C8orf34: variants seen among roughly 807,000 people sequenced by gnomAD.
The protein encoded by C8orf34 is chromosome 8 open reading frame 34, also known as uncharacterized protein C8orf34.
Under a neutral mutation model 68.3 loss-of-function variants are expected in C8orf34, and 65 were observed. The observed-to-expected ratio is 0.95, with a 90% CI of 0.78 to 1.17. C8orf34 has a LOEUF of 1.17. C8orf34 is among the 50% of genes most tolerant of loss of function. The pLI is 0.00. For missense variants in C8orf34, 664 were observed against 655.4 expected, an observed-to-expected ratio of 1.01 and a Z score of -0.14; for synonymous variants, 244 against 241.2, an observed-to-expected ratio of 1.01 and a Z score of -0.11.
chr8:68,666,402 T>C (rs16919100), intron 8 of C8orf34, among the ~76,000 whole-genome samples: 23,005 of 152,212 alleles, frequency 0.15, 1,844 homozygotes, highest in Middle Eastern at 0.23. Flanking sequence ...CCTTTTGGAG[T>C]GGACAACCTA....
intron 1 of C8orf34, among the ~76,000 whole-genome samples, chr8:68,332,366 G>GCCTTGCCCCCGCCTTGCCCCCC (rs1805657382): frequency 1.0e-5 from 1 of 97,422 alleles, no homozygotes; most frequent in Non-Finnish European, 2.2e-5. Flanking sequence ...CCTTGCCCCC[G>GCCTTGCCCCCGCCTTGCCCCCC]CCTTGCCCCC....
chr8:68,442,042 T>A (rs768716706), intron 2 of C8orf34, among the ~76,000 whole-genome samples: 1 of 152,074 alleles, frequency 6.6e-6, no homozygotes, highest in Non-Finnish European at 1.5e-5. Flanking sequence ...CAGATAATAA[T>A]AAGAGTGAAA....
chr8:68,349,511 TCTC>T (rs1806421138), intron 1 of C8orf34, among the ~76,000 whole-genome samples: 1 of 150,722 alleles, frequency 6.6e-6, no homozygotes, highest in South Asian at 2.1e-4. Flanking sequence ...GGGAGGACTC[TCTC>T]CTCCTCAATT....
chr8:68,779,656 G>T (rs770452265), intron 11 of C8orf34, among the ~76,000 whole-genome samples: 4 of 152,058 alleles, frequency 2.6e-5, no homozygotes, highest in Non-Finnish European at 5.9e-5. Context: ...TGTTTCTCCT[G>T]TGTAGTATTC....
chr8:68,781,560 G>C (rs758023035), intron 11 of C8orf34, among the ~76,000 whole-genome samples: 3 of 152,128 alleles, frequency 2.0e-5, no homozygotes, highest in Non-Finnish European at 4.4e-5. Context: ...TTGGCAAAGA[G>C]GGACACGTCA....
chr8:68,801,958 C>T (rs941287895), intron 12 of C8orf34, among the ~76,000 whole-genome samples: 4 of 151,432 alleles, frequency 2.6e-5, no homozygotes, highest in African/African-American at 9.7e-5. Context: ...ACATACATAT[C>T]CACACCTGAG....
At chr8:68,574,196 T>C (rs918027269) in intron 7 of C8orf34, among the ~76,000 whole-genome samples, 2 of 152,104 alleles carry the variant, frequency 1.3e-5, no homozygotes, top group African/African-American at 4.8e-5. Context: ...TCTGTATACA[T>C]ATGTAAGTAT....
intron 2 of C8orf34, among the ~76,000 whole-genome samples, chr8:68,442,958 A>G (rs1414973863): frequency 6.6e-6 from 1 of 152,214 alleles, no homozygotes; most frequent in Admixed American, 6.5e-5. Context: ...AAGAGAAATG[A>G]GCAGTATAGC....
At chr8:68,662,434 T>C (rs1819707922) in intron 8 of C8orf34, among the ~76,000 whole-genome samples, 1 of 152,168 alleles carries the variant, frequency 6.6e-6, no homozygotes, top group Non-Finnish European at 1.5e-5. Context: ...AATCCCCACT[T>C]GTCAAGGGCA....
chr8:68,386,231 A>G (rs1808254852), intron 1 of C8orf34, among the ~76,000 whole-genome samples: 1 of 152,194 alleles, frequency 6.6e-6, no homozygotes, highest in African/African-American at 2.4e-5. Flanking sequence ...ATACATTAAA[A>G]CAAAACAAAA....
chr8:68,423,716 A>T (rs1377216828), intron 1 of C8orf34, among the ~76,000 whole-genome samples: 1 of 152,134 alleles, frequency 6.6e-6, no homozygotes, highest in East Asian at 1.9e-4. Flanking sequence ...AGGCTGCTCT[A>T]ACACTGCTAT....
At chr8:68,675,574 A>G (rs970697468) in intron 8 of C8orf34, among the ~76,000 whole-genome samples, 9 of 151,906 alleles carry the variant, frequency 5.9e-5, no homozygotes, top group African/African-American at 2.2e-4. Flanking sequence ...TCAAATAAAA[A>G]AAAAACACAC....
intron 10 of C8orf34, among the ~76,000 whole-genome samples, chr8:68,770,524 T>C (rs1223883866): frequency 6.6e-6 from 1 of 152,196 alleles, no homozygotes; most frequent in East Asian, 1.9e-4. Context: ...CAATTAATAC[T>C]AGCCATTCAT....
chr8:68,652,010 C>T lies in C8orf34; in HGVS notation c.1241+11499C>T, dbSNP rs564868860. Among the ~76,000 whole-genome samples the T allele has an allele frequency of 7.9e-5, 12 of 152,242 alleles. No homozygotes were observed. The South Asian group carries it at 2.3e-3, about 29-fold the overall frequency. On this transcript the variant is annotated intron_variant, in intron 8 of 13. Coordinates refer to ENST00000518698, the MANE Select transcript of C8orf34 (RefSeq NM_052958.4). ...CTAAGTGATATCTATGGACTGAGTT[C>T]CGTGCATTATAATAGACAGAGTCAC...
chr8:68,537,621 CT>C (rs1193278073), intron 7 of C8orf34, among the ~76,000 whole-genome samples: 1 of 151,916 alleles, frequency 6.6e-6, no homozygotes, highest in African/African-American at 2.4e-5. Context: ...CTAGCATAGA[CT>C]TGAGAAAATG....
intron 7 of C8orf34, among the ~76,000 whole-genome samples, chr8:68,548,885 A>G (rs149295758): frequency 4.1e-4 from 62 of 151,908 alleles, no homozygotes; most frequent in African/African-American, 1.4e-3. Context: ...GATGAATCCT[A>G]TTGCTATTGA....
At position 68,603,521 on chromosome 8, in the gene C8orf34, ATATCTATC is replaced by A. The variant is rs10542466; in HGVS notation, c.1106-36809_1106-36802del. Among the ~76,000 whole-genome samples the A allele has an allele frequency of 4.6e-3, 653 of 140,536 alleles. 4 individuals are homozygous for A. Among genetic ancestry groups the A allele is most frequent in the Middle Eastern group, 0.011 (3 of 280 alleles). The allele number at this position is 140,536 out of a possible 152,430, so 92.2% of individuals were successfully genotyped here. ...TGTGTATGTATATGTATATATACAT[ATATCTATC>A]TATCTATCTATCTATCTATCTATCT... On this transcript the variant is annotated intron_variant, in intron 7 of 13. Coordinates refer to ENST00000518698, the MANE Select transcript of C8orf34 (RefSeq NM_052958.4).
chr8:68,486,575 T>C (rs4466385), intron 4 of C8orf34, among the ~76,000 whole-genome samples: 56,820 of 152,010 alleles, frequency 0.37, 11,015 homozygotes, highest in African/African-American at 0.42. Flanking sequence ...TACAATGGTG[T>C]CATTTACTGA....
At chr8:68,402,160 T>C (rs1281823217) in intron 1 of C8orf34, among the ~76,000 whole-genome samples, 3 of 152,130 alleles carry the variant, frequency 2.0e-5, no homozygotes, top group Non-Finnish European at 4.4e-5. Context: ...AGGAATTTAT[T>C]TCTTTCCTGT....
Sources: allele counts gnomAD v4.1 joint callset (sites outside exome capture counted in the v4.1 genomes callset), GRCh38; gene constraint gnomAD v4.1.1; transcripts MANE v1.5; gene names NCBI Gene and HGNC (gene_info 2026-07-23, HGNC 2026-07-21).